The following SGCD variants were observed in gnomAD, a reference collection of about 807,000 sequenced individuals.
SGCD encodes delta-sarcoglycan.
A neutral mutation model predicts 36.6 loss-of-function variants in SGCD; 18 were observed. The observed-to-expected ratio is 0.49, with a 90% CI of 0.34 to 0.73. SGCD has a LOEUF of 0.73. Among genes scored for constraint, SGCD ranks in the 30% least tolerant of loss-of-function variants. SGCD has a pLI of 0.01. For synonymous variants in SGCD, 133 were observed against 130.6 expected (o/e 1.02, Z -0.12); for missense variants, 387 against 346.7 (o/e 1.12, Z -0.92).
the SGCD span, among the ~76,000 whole-genome samples, chr5:155,844,999 G>A: frequency 6.6e-6 from 1 of 152,012 alleles, no homozygotes; most frequent in Admixed American, 6.6e-5. Flanking sequence ...TCTACATCAG[G>A]TATTTCTCCT....
chr5:156,431,675 G>C (rs764625673), intron 3 of SGCD, among the ~76,000 whole-genome samples: 1 of 152,094 alleles, frequency 6.6e-6, no homozygotes, highest in Non-Finnish European at 1.5e-5. Context: ...CTTAGGAATG[G>C]GGCTTCCTGA....
intron 1 of SGCD, among the ~76,000 whole-genome samples, chr5:156,098,088 C>A (rs1350231340): frequency 6.6e-6 from 1 of 152,194 alleles, no homozygotes; most frequent in African/African-American, 2.4e-5. Context: ...CAGGCACCCC[C>A]TACTCCATTG....
At chr5:156,008,550 A>C (rs1357373850) in intron 1 of SGCD, among the ~76,000 whole-genome samples, 1 of 151,952 alleles carries the variant, frequency 6.6e-6, no homozygotes, top group Non-Finnish European at 1.5e-5. Flanking sequence ...TAATTTTTTA[A>C]TTCTTTGTAG....
intron 3 of SGCD, among the ~76,000 whole-genome samples, chr5:156,179,634 T>C (rs940487347): frequency 6.6e-6 from 1 of 151,262 alleles, no homozygotes; most frequent in Non-Finnish European, 1.5e-5. Context: ...TTTTTTTTTT[T>C]TTTTTGAGAC....
At chr5:156,163,563 C>T (rs1015239765) in intron 3 of SGCD, among the ~76,000 whole-genome samples, 1 of 151,508 alleles carries the variant, frequency 6.6e-6, no homozygotes. Flanking sequence ...TAGATAATGG[C>T]TTCTTTTATT....
chr5:156,528,253 G>T (rs925893072), intron 4 of SGCD, among the ~76,000 whole-genome samples: 2 of 151,980 alleles, frequency 1.3e-5, no homozygotes, highest in Non-Finnish European at 2.9e-5. Flanking sequence ...TGAAAAATGG[G>T]CATAATAATA....
intron 3 of SGCD, among the ~76,000 whole-genome samples, chr5:156,148,199 A>G (rs1358644747): frequency 6.6e-6 from 1 of 152,228 alleles, no homozygotes; most frequent in African/African-American, 2.4e-5. Flanking sequence ...TAAGGAAATC[A>G]TGTTTCAAAT....
At chr5:156,599,483 A>G (rs993501160) in intron 6 of SGCD, among the ~76,000 whole-genome samples, 2 of 152,230 alleles carry the variant, frequency 1.3e-5, no homozygotes, top group East Asian at 3.8e-4. Flanking sequence ...AGTAGAAATA[A>G]GCAGTAGAGA....
intron 7 of SGCD, among the ~76,000 whole-genome samples, chr5:156,652,238 T>C (rs751281712): frequency 1.3e-5 from 2 of 152,068 alleles, no homozygotes; most frequent in Non-Finnish European, 2.9e-5. Context: ...CCCAATGTTT[T>C]GGGAGGCCAA....
intron 4 of SGCD, among the ~76,000 whole-genome samples, chr5:156,512,009 G>A (rs528784985): frequency 6.6e-6 from 1 of 152,068 alleles, no homozygotes; most frequent in South Asian, 2.1e-4. Flanking sequence ...GCCTGGCCAA[G>A]ATGGTGCAAC....
intron 6 of SGCD, among the ~76,000 whole-genome samples, chr5:156,629,677 G>C (rs1762557141): frequency 6.6e-6 from 1 of 152,102 alleles, no homozygotes; most frequent in African/African-American, 2.4e-5. Context: ...CAGGGTCTCT[G>C]TTGCAGCTAC....
intron 3 of SGCD, among the ~76,000 whole-genome samples, chr5:156,400,482 A>G (rs959187154): frequency 6.6e-6 from 1 of 152,240 alleles, no homozygotes; most frequent in African/African-American, 2.4e-5. Context: ...TGAAGCACAA[A>G]TAATGTGTTG....
intron 3 of SGCD, among the ~76,000 whole-genome samples, chr5:156,248,038 G>A (rs892611378): frequency 2.0e-5 from 3 of 152,306 alleles, no homozygotes; most frequent in Middle Eastern, 3.4e-3. Flanking sequence ...GTGTTGAAAA[G>A]GCTTCCATGA....
chr5:156,574,130 T>C (rs116806151), intron 4 of SGCD, among the ~76,000 whole-genome samples: 272 of 152,294 alleles, frequency 1.8e-3, no homozygotes, highest in Non-Finnish European at 3.3e-3. Flanking sequence ...CCCCATACTT[T>C]ATAGGTGGGG....
At chr5:156,224,046 A>G (rs1028385492) in intron 3 of SGCD, among the ~76,000 whole-genome samples, 7 of 151,866 alleles carry the variant, frequency 4.6e-5, no homozygotes, top group African/African-American at 1.7e-4. Context: ...TTAACATAAC[A>G]ATGGCTCTCA....
chr5:156,578,322 T>C (rs950052332), intron 4 of SGCD, among the ~76,000 whole-genome samples: 1 of 152,216 alleles, frequency 6.6e-6, no homozygotes, highest in African/African-American at 2.4e-5. Context: ...TGCCAGTATT[T>C]TATTGAGGAT....
intron 3 of SGCD, among the ~76,000 whole-genome samples, chr5:156,155,112 C>T (rs1388571437): frequency 1.3e-5 from 2 of 151,678 alleles, no homozygotes; most frequent in South Asian, 2.1e-4. Flanking sequence ...AAACCTGCTG[C>T]TCTCTGGGAC....
chr5:156,163,356 G>A (rs1400021108), intron 3 of SGCD, among the ~76,000 whole-genome samples: 1 of 151,512 alleles, frequency 6.6e-6, no homozygotes, highest in Non-Finnish European at 1.5e-5. Flanking sequence ...TTCCGTAGGA[G>A]CCCATCAGAG....
chr5:156,007,732 T>C (rs1581039113), intron 1 of SGCD, among the ~76,000 whole-genome samples: 1 of 152,068 alleles, frequency 6.6e-6, no homozygotes, highest in East Asian at 1.9e-4. Flanking sequence ...AAACCCAAAG[T>C]CTAAGTGGGG....
Sources: allele counts gnomAD v4.1 joint callset (sites outside exome capture counted in the v4.1 genomes callset), GRCh38; gene constraint gnomAD v4.1.1; transcripts MANE v1.5; gene names NCBI Gene and HGNC (gene_info 2026-07-23, HGNC 2026-07-21).